The following HMSD variants were observed in gnomAD, a reference collection of about 807,000 sequenced individuals.
The protein encoded by HMSD is histocompatibility minor serpin domain containing.
A neutral mutation model predicts 10.0 loss-of-function variants in HMSD; 13 were observed. The ratio of observed to expected loss-of-function variants is 1.31; its 90% CI spans 0.85 to 2.08. The LOEUF is 2.08. HMSD is among the 30% of genes most tolerant of loss of function. The pLI is 0.00. For synonymous variants in HMSD, 51 were observed against 54.2 expected (o/e 0.94, Z 0.26); for missense variants, 169 against 166.3 (o/e 1.02, Z -0.09).
At chr18:63,957,998 C>T (rs2050368030) in intron 3 of HMSD, among the ~76,000 whole-genome samples, 1 of 152,118 alleles carries the variant, frequency 6.6e-6, no homozygotes, top group African/African-American at 2.4e-5. Context: ...CCTAGGCGTG[C>T]AAGAAGTCAT....
chr18:63,963,239 C>T (rs2050397916), downstream of HMSD, among the ~76,000 whole-genome samples: 1 of 148,872 alleles, frequency 6.7e-6, no homozygotes, highest in East Asian at 2.0e-4. Context: ...TTCCTTCCTT[C>T]CTTCCTTGCT....
downstream of HMSD, among the ~76,000 whole-genome samples, chr18:63,963,828 G>A (rs995506291): frequency 2.6e-5 from 4 of 152,140 alleles, no homozygotes; most frequent in Non-Finnish European, 5.9e-5. Flanking sequence ...GCCAATAGAG[G>A]GAGCTGGAGA....
chr18:63,953,445 T>C lies in HMSD; in HGVS notation c.-11T>C, dbSNP rs751865100. 1 of 1,610,502 alleles carries C rather than the reference T, an allele frequency of 6.2e-7. No individual in the cohort carries two copies. The highest frequency in any genetic ancestry group is 8.5e-7 in the Non-Finnish European group (1 of 1,177,216). ...AGGGGAAAACAACTCAAACAACTTA[T>C]TTTTTTCCCCATGAGCATATCATCA... On this transcript the variant is annotated 5_prime_UTR_variant, in exon 2 of 4. Transcript: ENST00000408945.
chr18:63,952,691 G>A (rs2050337463), intron 1 of HMSD, among the ~76,000 whole-genome samples: 1 of 152,090 alleles, frequency 6.6e-6, no homozygotes, highest in South Asian at 2.1e-4. Flanking sequence ...TCTGCATACT[G>A]TTTTTATCAG....
rs1599105587 is a variant in HMSD, at chr18:63,950,165, C to T, written c.-103+765C>T. ...GGCGCGGTGGCTCACGCTTGTAATC[C>T]CAGCACTTTGGGAGGCTGAGGGGGG... is the stretch of plus-strand genomic sequence containing the variant. On this transcript the variant is annotated intron_variant, in intron 1 of 3. Coordinates refer to ENST00000408945, the MANE Select transcript of HMSD (RefSeq NM_001123366.2). 3.3e-5 allele frequency among the ~76,000 whole-genome samples: 5 copies of T among 151,970 alleles called. 1 individual carries two copies. Among genetic ancestry groups the T allele is most frequent in the Admixed American group, 3.3e-4 (5 of 15,270 alleles).
rs751327484 is a variant in HMSD at position 63,956,352 on chromosome 18, T to TA, written c.222+1805dup. 4.7e-3 allele frequency among the ~76,000 whole-genome samples: 681 copies of TA among 145,328 alleles called. 6 individuals are homozygous for TA. The highest frequency in any genetic ancestry group is 0.011 in the African/African-American group (450 of 40,072). On this transcript the variant is annotated intron_variant, in intron 3 of 3. Coordinates refer to ENST00000408945, the MANE Select transcript of HMSD (RefSeq NM_001123366.2). ...TAGAGGTCTAATATCCAGAATCTAT[T>TA]AAAAAAAAAACAAACTTAAATTTAC...
At chr18:63,951,324 A>G (rs1263740005) in intron 1 of HMSD, among the ~76,000 whole-genome samples, 1 of 152,252 alleles carries the variant, frequency 6.6e-6, no homozygotes, top group Non-Finnish European at 1.5e-5. Flanking sequence ...TACCAAATTA[A>G]CAAGAAATTA....
chr18:63,958,908 C>T (rs2050372646), intron 3 of HMSD, among the ~76,000 whole-genome samples: 1 of 151,900 alleles, frequency 6.6e-6, no homozygotes, highest in Non-Finnish European at 1.5e-5. Flanking sequence ...AATGTAGAGG[C>T]AAATATAGCA....
intron 3 of HMSD, chr18:63,968,559 A>AG (rs1448235296): frequency 3.9e-5 from 6 of 152,258 alleles, no homozygotes; most frequent in Non-Finnish European, 5.9e-5. Context: ...CCAAACTCCC[A>AG]GGGGCCAAAT....
intron 3 of HMSD, among the ~76,000 whole-genome samples, chr18:63,957,076 G>C (rs185314837): frequency 6.6e-6 from 1 of 152,162 alleles, no homozygotes; most frequent in Admixed American, 6.5e-5. Flanking sequence ...TTACTTGAGG[G>C]AGAAGGGTGT....
chr18:63,955,649 A>G (rs541361929), intron 3 of HMSD, among the ~76,000 whole-genome samples: 9 of 152,270 alleles, frequency 5.9e-5, no homozygotes, highest in African/African-American at 1.9e-4. Context: ...TGGGGCCAAG[A>G]TGGCCGACTA....
chr18:63,955,372 C>T (rs1203124377), intron 3 of HMSD, among the ~76,000 whole-genome samples: 3 of 152,044 alleles, frequency 2.0e-5, no homozygotes, highest in African/African-American at 4.8e-5. Context: ...CTTGCATTGA[C>T]GAGTATTTAA....
chr18:63,961,927 T>C (rs983164526), downstream of HMSD: 1 of 152,146 alleles, frequency 6.6e-6, no homozygotes. Flanking sequence ...TATGAGACAA[T>C]CAAAACAGCT....
downstream of HMSD, among the ~76,000 whole-genome samples, chr18:63,963,087 T>C (rs1382576576): frequency 1.9e-5 from 2 of 102,702 alleles, no homozygotes; most frequent in Non-Finnish European, 4.0e-5. Flanking sequence ...CTTTCTTTCT[T>C]TCTTTCTTTC....
intron 1 of HMSD, among the ~76,000 whole-genome samples, chr18:63,950,854 C>T (rs2050326948): frequency 2.0e-5 from 3 of 152,258 alleles, no homozygotes; most frequent in South Asian, 2.1e-4. Flanking sequence ...GAGCCCATGT[C>T]CCAACCATCA....
At chr18:63,960,065 A>G in intron 3 of HMSD, 93 bp from the exon 4 acceptor site, 1 of 1,221,546 alleles carries the variant, frequency 8.2e-7, no homozygotes, top group Non-Finnish European at 1.2e-6. Context: ...AAATCATAAA[A>G]TTATTGATTT....
chr18:63,959,490 T>C (rs115493761), intron 3 of HMSD, among the ~76,000 whole-genome samples: 1 of 152,232 alleles, frequency 6.6e-6, no homozygotes. Flanking sequence ...TTCGTTATTG[T>C]CTGAGAGCAG....
At chr18:63,951,641 T>TA (rs927785057) in intron 1 of HMSD, among the ~76,000 whole-genome samples, 42 of 152,118 alleles carry the variant, frequency 2.8e-4, no homozygotes, top group African/African-American at 9.9e-4. Context: ...AACAGACGTG[T>TA]AAAAAAAGCA....
intron 1 of HMSD, among the ~76,000 whole-genome samples, chr18:63,950,180 G>T (rs983269882): frequency 6.6e-6 from 1 of 152,094 alleles, no homozygotes. Context: ...ACTTTGGGAG[G>T]CTGAGGGGGG....
Sources: allele counts gnomAD v4.1 joint callset (sites outside exome capture counted in the v4.1 genomes callset), GRCh38; gene constraint gnomAD v4.1.1; transcripts MANE v1.5; gene names NCBI Gene and HGNC (gene_info 2026-07-23, HGNC 2026-07-21).